Variants in PKD2 observed in about 807,000 individuals in gnomAD.
The protein encoded by PKD2 is polycystin 2, transient receptor potential cation channel.
PKD2 carries 48 observed loss-of-function variants against 105.9 expected under a neutral mutation model. The ratio of observed to expected loss-of-function variants is 0.45; its 90% CI spans 0.36 to 0.58. PKD2 has a LOEUF of 0.58. Among genes scored for constraint, PKD2 ranks in the 20% least tolerant of loss-of-function variants. The pLI is 0.00. For missense variants in PKD2, 1,078 were observed against 1,255.3 expected, an observed-to-expected ratio of 0.86 and a Z score of 2.13; for synonymous variants, 464 against 481.1, an observed-to-expected ratio of 0.96 and a Z score of 0.46.
intron 5 of PKD2, 122 bp downstream of exon 5, chr4:88,043,579 G>A (rs1560612167): frequency 4.5e-6 from 3 of 673,860 alleles, no homozygotes; most frequent in Admixed American, 2.5e-5. Flanking sequence ...GGACCCAGAC[G>A]GATAGCAAGG....
intron 2 of PKD2, among the ~76,000 whole-genome samples, chr4:88,028,833 AT>A (rs1200217923): frequency 6.6e-6 from 1 of 152,234 alleles, no homozygotes; most frequent in Non-Finnish European, 1.5e-5. Context: ...GAACCATCAT[AT>A]ATCCAAGATT....
At chr4:88,045,720 G>C (rs1727741553) in intron 5 of PKD2, among the ~76,000 whole-genome samples, 1 of 152,146 alleles carries the variant, frequency 6.6e-6, no homozygotes, top group Non-Finnish European at 1.5e-5. Flanking sequence ...AGAGCCATCA[G>C]TATGGATGTA....
chr4:88,019,425 ATATCT>A (rs781586209), intron 1 of PKD2, 28 bp from the exon 2 acceptor site: 10 of 1,073,528 alleles, frequency 9.3e-6, no homozygotes, highest in Non-Finnish European at 1.3e-5. Flanking sequence ...AAATAAAATG[ATATCT>A]TTTCTTTTCT....
At position 88,058,114 on chromosome 4, in the gene PKD2, TTTTA is replaced by T; in HGVS notation, c.2019+17_2019+20del. 1 of 1,473,666 alleles carries T rather than the reference TTTTA, an allele frequency of 6.8e-7. No homozygotes were observed. Among genetic ancestry groups the T allele is most frequent in the Non-Finnish European group, 9.5e-7 (1 of 1,052,788 alleles). 91.3% of individuals were successfully genotyped at this position (1,473,666 alleles called of 1,614,324 possible). A position where few individuals can be genotyped will look rare whatever the true frequency, so the allele number is the denominator to read the frequency against. Reference sequence around the variant, plus strand: ...TTCTTCATTCTTTTGGTATGTACATTTTTATTTATAGTGAGGTTCAATTTAAACT... The same window carrying T: ...TTCTTCATTCTTTTGGTATGTACATTTTTATAGTGAGGTTCAATTTAAACT... On this transcript the variant is annotated intron_variant, in intron 9 of 14. Coordinates refer to ENST00000237596, the MANE Select transcript of PKD2 (RefSeq NM_000297.4).
Position 88,075,618 on chromosome 4 carries a change from C to T in PKD2, c.2831C>T (p.Ser944Phe). ...GLNGQPRPRSSRPSSSQSTEG... is the reference protein window; with the variant it reads ...GLNGQPRPRSFRPSSSQSTEG... Reference sequence around the variant, plus strand: ...AATGGTCAACCTCGCCCCAGAAGCTCCCGCCCATCTTCCTCCCAATCTACA... The same window carrying T: ...AATGGTCAACCTCGCCCCAGAAGCTTCCGCCCATCTTCCTCCCAATCTACA... The change falls in exon 15 of 15, where the codon TCC becomes TTC. Residue 944 changes from serine (S) to phenylalanine (F), a missense_variant. Ser to Phe is a radical substitution (Grantham distance 155, BLOSUM62 -2). Coordinates refer to ENST00000237596, the MANE Select transcript of PKD2 (RefSeq NM_000297.4). 1 of 1,614,134 alleles carries T rather than the reference C, an allele frequency of 6.2e-7. No homozygotes were observed. The highest frequency in any genetic ancestry group is 1.1e-5 in the South Asian group (1 of 91,074).
intron 5 of PKD2, among the ~76,000 whole-genome samples, chr4:88,045,014 A>C (rs1331997762): frequency 6.6e-6 from 1 of 152,218 alleles, no homozygotes; most frequent in Non-Finnish European, 1.5e-5. Flanking sequence ...AGATAAAAAG[A>C]AAAGAATAAA....
In PKD2 at chr4:88,028,408, A is replaced by T. The variant is rs557770796; in HGVS notation, c.710-7812A>T. ...GCTCACCACATATCTTTTCACCACA[A>T]ACAGTTTCAGTCTTAAGATCACATG... On this transcript the variant is annotated intron_variant, in intron 2 of 14. Transcript: ENST00000237596. Among the ~76,000 whole-genome samples, 25 of 152,334 alleles carry T rather than the reference A, an allele frequency of 1.6e-4. No homozygotes were observed. The South Asian group carries it at 5.0e-3, about 30-fold the overall frequency.
In PKD2 at chr4:88,018,306, A is replaced by C. The variant is rs78477625; in HGVS notation, c.596-1152A>C. Among the ~76,000 whole-genome samples, 910 of 152,356 alleles carry C rather than the reference A, an allele frequency of 6.0e-3. 13 individuals carry two copies. The highest frequency in any genetic ancestry group is 0.021 in the African/African-American group (854 of 41,574). ...TCAGGAATAGAACTTACATATTATT[A>C]TAAGACTTAAAAAATACATGAACAC... On this transcript the variant is annotated intron_variant, in intron 1 of 14. Coordinates refer to ENST00000237596, the MANE Select transcript of PKD2 (RefSeq NM_000297.4).
chr4:88,011,603 T>C (rs1362346193), intron 1 of PKD2, among the ~76,000 whole-genome samples: 3 of 152,168 alleles, frequency 2.0e-5, no homozygotes, highest in African/African-American at 7.2e-5. Context: ...AATGCAGTTA[T>C]TTCATTTTGC....
chr4:88,063,001 C>G (rs1720636367), intron 10 of PKD2, among the ~76,000 whole-genome samples: 1 of 152,200 alleles, frequency 6.6e-6, no homozygotes, highest in Non-Finnish European at 1.5e-5. Context: ...TTTCAGTTAT[C>G]ATAGTATATT....
chr4:88,073,768 T>C (rs1218745794), intron 13 of PKD2, among the ~76,000 whole-genome samples: 1 of 152,200 alleles, frequency 6.6e-6, no homozygotes, highest in Non-Finnish European at 1.5e-5. Flanking sequence ...GAATAAATGC[T>C]TTTTCATTTG....
chr4:88,026,428 C>G (rs113552680), intron 2 of PKD2, among the ~76,000 whole-genome samples: 3,612 of 152,220 alleles, frequency 0.024, 48 homozygotes, highest in Non-Finnish European at 0.037. Flanking sequence ...CCAAAGCATT[C>G]GAGAGGTGAC....
intron 7 of PKD2, 62 bp downstream of exon 7, chr4:88,052,220 C>A (rs1720131918): frequency 5.6e-6 from 6 of 1,066,496 alleles, no homozygotes; most frequent in Admixed American, 3.6e-5. Flanking sequence ...AAATGAGTTC[C>A]ACAAAATCAT....
intron 10 of PKD2, among the ~76,000 whole-genome samples, chr4:88,062,351 G>T (rs2110134437): frequency 6.6e-6 from 1 of 152,250 alleles, no homozygotes; most frequent in Admixed American, 6.5e-5. Flanking sequence ...TAGAAGGGAA[G>T]ATTATATAAA....
intron 13 of PKD2, among the ~76,000 whole-genome samples, chr4:88,069,804 C>G (rs1339429803): frequency 1.3e-5 from 2 of 152,100 alleles, no homozygotes; most frequent in African/African-American, 4.8e-5. Context: ...TTCAAGTTAT[C>G]ATCTGTCGTC....
intron 8 of PKD2, 57 bp from the exon 9 acceptor site, chr4:88,057,926 A>G (rs1181645763): frequency 4.5e-6 from 6 of 1,331,162 alleles, no homozygotes; most frequent in Non-Finnish European, 6.5e-6. Context: ...GAAATGTTGC[A>G]TCAACTAGTG....
At chr4:88,048,318 A>G (rs1727850725) in intron 6 of PKD2, among the ~76,000 whole-genome samples, 1 of 152,184 alleles carries the variant, frequency 6.6e-6, no homozygotes, top group African/African-American at 2.4e-5. Context: ...TTTGTGGAGT[A>G]TTTAGATCAA....
intron 12 of PKD2, 129 bp from the exon 13 acceptor site, chr4:88,067,769 C>G: frequency 1.3e-6 from 1 of 798,322 alleles, no homozygotes; most frequent in Non-Finnish European, 2.1e-6. Context: ...GGAGTCCCAG[C>G]CTGGTGTTAA....
rs373712286 is a variant in PKD2 at position 88,016,820 on chromosome 4, G to A, written c.596-2638G>A. On this transcript the variant is annotated intron_variant, in intron 1 of 14. Coordinates refer to ENST00000237596, the MANE Select transcript of PKD2 (RefSeq NM_000297.4). ...TACAAAAAATTAAAAACTTAGTTGG[G>A]CTTGGTAGTATGTACCTGTAGTTTA... is the stretch of plus-strand genomic sequence containing the variant. Among the ~76,000 whole-genome samples, 32 of 152,020 alleles carry A rather than the reference G, an allele frequency of 2.1e-4. No homozygotes were observed. The South Asian group carries it at 6.4e-3, about 31-fold the overall frequency.
Sources: gnomAD v4.1 joint callset for allele counts (sites outside exome capture counted in the v4.1 genomes callset) on GRCh38, gnomAD v4.1.1 for gene constraint, MANE v1.5 for transcripts, NCBI Gene and HGNC (gene_info 2026-07-23, HGNC 2026-07-21) for gene names.